Variants in EDF1 observed in about 807,000 individuals in gnomAD.
EDF1 encodes the protein endothelial differentiation-related factor 1.
A neutral mutation model predicts 20.8 loss-of-function variants in EDF1; 5 were observed. The ratio of observed to expected loss-of-function variants is 0.24; its 90% CI spans 0.13 to 0.51. The LOEUF (loss-of-function observed/expected upper bound fraction) is 0.51. Ranked by LOEUF, EDF1 falls within the 20% of genes least tolerant of loss-of-function variation. The pLI is 0.97. For missense variants in EDF1, 137 were observed against 197.8 expected (o/e 0.69, Z 1.84); for synonymous variants, 96 against 78.5 (o/e 1.22, Z -1.18).
In EDF1 at chr9:136,863,259, C is replaced by A. The variant is rs1227832917; in HGVS notation, c.291+29G>T. 1 of 1,603,614 alleles carries A rather than the reference C, an allele frequency of 6.2e-7. No homozygotes were observed. Among genetic ancestry groups the A allele is most frequent in the African/African-American group, 1.3e-5 (1 of 74,810 alleles). ...ATCCCCCTCCCCAAACCCACAACCCCAGGAGTGAGAGCCCCGGCGCAGCCT... is the reference window on the plus strand; with the variant it reads ...ATCCCCCTCCCCAAACCCACAACCCAAGGAGTGAGAGCCCCGGCGCAGCCT... On this transcript the variant is annotated intron_variant, in intron 3 of 4. Coordinates refer to ENST00000224073, the MANE Select transcript of EDF1 (RefSeq NM_003792.4). The surrounding 1 kb of genome is among the most constrained non-coding windows in gnomAD (Gnocchi z 4.5).
chr9:136,862,694 G>C lies in EDF1; in HGVS notation c.385+212C>G, dbSNP rs1025629354. 1.3e-6 allele frequency: 2 copies of C among 1,499,290 alleles called. No homozygotes were observed. Among genetic ancestry groups the C allele is most frequent in the Admixed American group, 2.2e-5 (1 of 45,994 alleles). 92.9% of individuals were successfully genotyped at this position (1,499,290 alleles called of 1,614,324 possible). A position where few individuals can be genotyped will look rare whatever the true frequency, so the allele number is the denominator to read the frequency against. On this transcript the variant is annotated intron_variant, in intron 4 of 4. Coordinates refer to ENST00000224073, the MANE Select transcript of EDF1 (RefSeq NM_003792.4). This position sits in a 1 kb window ranked among gnomAD's most constrained non-coding sequence, Gnocchi z 4.1. Reference sequence around the variant, plus strand: ...GGGAACTGGCAAGGGGAAGGGACTCGGACTCCACTTGCTCTTAGGGGTTTC... The same window carrying C: ...GGGAACTGGCAAGGGGAAGGGACTCCGACTCCACTTGCTCTTAGGGGTTTC...
At chr9:136,864,277 T>A (rs963131616) in intron 1 of EDF1, among the ~76,000 whole-genome samples, 1 of 151,904 alleles carries the variant, frequency 6.6e-6, no homozygotes, top group East Asian at 1.9e-4. Context: ...TAGGGATTTT[T>A]TTTTTTTTTT....
intron 1 of EDF1, among the ~76,000 whole-genome samples, chr9:136,864,484 G>A (rs1849175904): frequency 6.6e-6 from 1 of 152,058 alleles, no homozygotes; most frequent in Non-Finnish European, 1.5e-5. Context: ...TACTGGCCTG[G>A]TGTGGCCTTC....
In EDF1 at chr9:136,862,190, G is replaced by T; in HGVS notation, c.*94C>A. 6.5e-7 allele frequency: 1 copy of T among 1,534,612 alleles called. No individual in the cohort carries two copies. The highest frequency in any genetic ancestry group is 9.0e-7 in the Non-Finnish European group (1 of 1,110,382). The stretch of plus-strand genomic sequence containing the variant: ...GGGTCCCCCGCAAGCTGGACCCCTT[G>T]TTCCGTTCGGCCCGTGAGGAGAACG... On this transcript the variant is annotated 3_prime_UTR_variant, in exon 5 of 5. Coordinates refer to ENST00000224073, the MANE Select transcript of EDF1 (RefSeq NM_003792.4). This position sits in a 1 kb window ranked among gnomAD's most constrained non-coding sequence, Gnocchi z 4.1.
chr9:136,862,811 A>G lies in EDF1; in HGVS notation c.385+95T>C. The G allele has an allele frequency of 1.2e-6, 2 of 1,610,504 alleles. No homozygotes were observed. Among genetic ancestry groups the G allele is most frequent in the Non-Finnish European group, 1.7e-6 (2 of 1,179,514 alleles). On this transcript the variant is annotated intron_variant, in intron 4 of 4. Transcript: ENST00000224073. This position sits in a 1 kb window ranked among gnomAD's most constrained non-coding sequence, Gnocchi z 4.1. ...CAGAGAACAGGGGACCCCCAGGGCC[A>G]TCTTCTTCCCCCGAGTCCCACTCTC...
chr9:136,866,056 T>TC (rs1849218828), intron 1 of EDF1, 125 bp downstream of exon 1: 1 of 915,724 alleles, frequency 1.1e-6, no homozygotes, highest in East Asian at 3.7e-5. Context: ...CCCAGCCTTG[T>TC]CCCCGTCCCC....
At position 136,863,659 on chromosome 9, in the gene EDF1, G is replaced by C. The variant is rs995833658; in HGVS notation, c.130+161C>G. Reference sequence around the variant, plus strand: ...GGCAGCTGTACTCATGCCAACCAGAGCTGCTCTGGGAAGATGGCTGCCTCC... The same window carrying C: ...GGCAGCTGTACTCATGCCAACCAGACCTGCTCTGGGAAGATGGCTGCCTCC... On this transcript the variant is annotated intron_variant, in intron 2 of 4. Coordinates refer to ENST00000224073, the MANE Select transcript of EDF1 (RefSeq NM_003792.4). This position sits in a 1 kb window ranked among gnomAD's most constrained non-coding sequence, Gnocchi z 4.5. Among the ~76,000 whole-genome samples the C allele has an allele frequency of 4.6e-5, 7 of 152,106 alleles. No homozygotes were observed. The highest frequency in any genetic ancestry group is 1.7e-4 in the African/African-American group (7 of 41,390).
chr9:136,866,056 T>C (rs2131252208), intron 1 of EDF1, 125 bp downstream of exon 1: 2 of 915,724 alleles, frequency 2.2e-6, no homozygotes, highest in East Asian at 7.4e-5. Flanking sequence ...CCCAGCCTTG[T>C]CCCCGTCCCC....
At chr9:136,865,589 T>G (rs10781517) in intron 1 of EDF1, among the ~76,000 whole-genome samples, 7 of 147,482 alleles carry the variant, frequency 4.7e-5, no homozygotes, top group East Asian at 4.1e-4. Context: ...ATTCCCCACC[T>G]TCATCGCTGG....
chr9:136,865,627 CCT>C (rs1187232921), intron 1 of EDF1, among the ~76,000 whole-genome samples: 4 of 151,706 alleles, frequency 2.6e-5, no homozygotes, highest in Non-Finnish European at 5.9e-5. Context: ...AGTCCCCACC[CCT>C]GTCCTAAGCC....
Position 136,863,095 on chromosome 9 carries a change from C to G in EDF1, c.292-96G>C. 1.9e-6 allele frequency: 3 copies of G among 1,557,470 alleles called. No homozygotes were observed. The South Asian group carries it at 3.3e-5, about 17-fold the overall frequency. ...CCTGAGAACAGCAGCTTCTAGGGCC[C>G]CTGGGGTACGCACCCACACGCAGCT... On this transcript the variant is annotated intron_variant, in intron 3 of 4. Coordinates refer to ENST00000224073, the MANE Select transcript of EDF1 (RefSeq NM_003792.4). The surrounding 1 kb of genome is among the most constrained non-coding windows in gnomAD (Gnocchi z 4.5).
In EDF1 at chr9:136,863,201, G is replaced by C. The variant is rs1242814194; in HGVS notation, c.291+87C>G. 1.3e-6 allele frequency: 2 copies of C among 1,549,434 alleles called. No homozygotes were observed. Among genetic ancestry groups the C allele is most frequent in the Non-Finnish European group, 1.7e-6 (2 of 1,146,818 alleles). On this transcript the variant is annotated intron_variant, in intron 3 of 4. Coordinates refer to ENST00000224073, the MANE Select transcript of EDF1 (RefSeq NM_003792.4). This position sits in a 1 kb window ranked among gnomAD's most constrained non-coding sequence, Gnocchi z 4.5. ...CCTGCAGGGGAACCAGGGGGGTGGA[G>C]CCCACCCTCCCCGTGCTATCTGAAC... is the stretch of plus-strand genomic sequence containing the variant.
At position 136,863,765 on chromosome 9, in the gene EDF1, G is replaced by C; in HGVS notation, c.130+55C>G. The C allele has an allele frequency of 6.2e-7, 1 of 1,604,488 alleles. No individual in the cohort carries two copies. Among genetic ancestry groups the C allele is most frequent in the Non-Finnish European group, 8.5e-7 (1 of 1,172,018 alleles). On this transcript the variant is annotated intron_variant, in intron 2 of 4. Coordinates refer to ENST00000224073, the MANE Select transcript of EDF1 (RefSeq NM_003792.4). The surrounding 1 kb of genome is among the most constrained non-coding windows in gnomAD (Gnocchi z 4.5). ...GGCGCCGCACACACCACACCCACCA[G>C]CACATGGACCCCACAGCACAGCCTC...
At position 136,866,294 on chromosome 9, in the gene EDF1, C is replaced by T. The variant is rs1321059925; in HGVS notation, c.-36G>A. Reference sequence around the variant, plus strand: ...GACGAGCGTCCGTCCGGCGGCTCAGCGGCAGCTGCTAGAGACCTGGCGCGG... The same window carrying T: ...GACGAGCGTCCGTCCGGCGGCTCAGTGGCAGCTGCTAGAGACCTGGCGCGG... On this transcript the variant is annotated 5_prime_UTR_variant, in exon 1 of 5. Transcript: ENST00000224073. The T allele has an allele frequency of 6.3e-7, 1 of 1,588,746 alleles. No individual in the cohort carries two copies.
At position 136,863,030 on chromosome 9, in the gene EDF1, G is replaced by A; in HGVS notation, c.292-31C>T. 1.2e-6 allele frequency: 2 copies of A among 1,609,670 alleles called. No individual in the cohort carries two copies. Among genetic ancestry groups the A allele is most frequent in the East Asian group, 2.2e-5 (1 of 44,884 alleles). On this transcript the variant is annotated intron_variant, in intron 3 of 4. Coordinates refer to ENST00000224073, the MANE Select transcript of EDF1 (RefSeq NM_003792.4). The surrounding 1 kb of genome is among the most constrained non-coding windows in gnomAD (Gnocchi z 4.5). ...GAGAAGATGTGCTTTATACACATCAGCTCCACTAGGACTGCTGCAAAACCA... is the reference window on the plus strand; with the variant it reads ...GAGAAGATGTGCTTTATACACATCAACTCCACTAGGACTGCTGCAAAACCA...
rs773718811 is a variant in EDF1, at chr9:136,866,236, G to A, written c.23C>T (p.Thr8Met). Residue 8 changes from threonine to methionine, a missense_variant, in exon 1 of 5, where the codon ACG (threonine) becomes ATG (methionine). Physicochemically the swap from Thr to Met is moderately conservative, Grantham distance 81. Coordinates refer to ENST00000224073, the MANE Select transcript of EDF1 (RefSeq NM_003792.4). ...GCCCTTCTTGCGCAGCACCGTCACC[G>A]TGTCCCAGTCGCTCTCGGCCATGGC... is the stretch of plus-strand genomic sequence containing the variant. MAESDWDTVTVLRKKGPT... is the reference protein window; with the variant it reads MAESDWDMVTVLRKKGPT... 6.2e-7 allele frequency: 1 copy of A among 1,600,544 alleles called. No individual in the cohort carries two copies. The highest frequency in any genetic ancestry group is 1.1e-5 in the South Asian group (1 of 89,342).
rs1849140470 is a variant in EDF1, at chr9:136,863,098, G to A, written c.292-99C>T. On this transcript the variant is annotated intron_variant, in intron 3 of 4. Transcript: ENST00000224073. The surrounding 1 kb of genome is among the most constrained non-coding windows in gnomAD (Gnocchi z 4.5). Reference sequence around the variant, plus strand: ...GAGAACAGCAGCTTCTAGGGCCCCTGGGGTACGCACCCACACGCAGCTGGG... The same window carrying A: ...GAGAACAGCAGCTTCTAGGGCCCCTAGGGTACGCACCCACACGCAGCTGGG... The A allele has an allele frequency of 3.2e-6, 5 of 1,550,416 alleles. No homozygotes were observed. The South Asian group carries it at 4.5e-5, about 14-fold the overall frequency.
chr9:136,863,261 GGAGT>G lies in EDF1; in HGVS notation c.291+23_291+26del, dbSNP rs774811364. ...CCCCCTCCCCAAACCCACAACCCCA[GGAGT>G]GAGAGCCCCGGCGCAGCCTCACCGT... On this transcript the variant is annotated intron_variant, in intron 3 of 4. Transcript: ENST00000224073. The surrounding 1 kb of genome is among the most constrained non-coding windows in gnomAD (Gnocchi z 4.5). The G allele has an allele frequency of 1.7e-4, 276 of 1,603,984 alleles. No individual in the cohort carries two copies. Among genetic ancestry groups the G allele is most frequent in the Non-Finnish European group, 2.3e-4 (265 of 1,176,172 alleles).
In EDF1 at chr9:136,863,403, G is replaced by A. The variant is rs1223190456; in HGVS notation, c.176C>T (p.Ala59Val). ...CTCCTCTGTCTCCCGGTCCAGCTTGGCCGTGTTCTTGGTAATAGAATGTTG... is the reference window on the plus strand; with the variant it reads ...CTCCTCTGTCTCCCGGTCCAGCTTGACCGTGTTCTTGGTAATAGAATGTTG... ...NKQHSITKNTAKLDRETEELH... is the reference protein window; with the variant it reads ...NKQHSITKNTVKLDRETEELH... Residue 59 changes from alanine to valine, a missense_variant, in exon 3 of 5, where the codon GCC becomes GTC. Coordinates refer to ENST00000224073, the MANE Select transcript of EDF1 (RefSeq NM_003792.4). This position sits in a 1 kb window ranked among gnomAD's most constrained non-coding sequence, Gnocchi z 4.5. 1 of 1,614,158 alleles carries A rather than the reference G, an allele frequency of 6.2e-7. No individual in the cohort carries two copies. Among genetic ancestry groups the A allele is most frequent in the Admixed American group, 1.7e-5 (1 of 60,030 alleles).
Sources: allele counts gnomAD v4.1 joint callset (sites outside exome capture counted in the v4.1 genomes callset), GRCh38; gene constraint gnomAD v4.1.1; non-coding constraint Gnocchi (gnomAD v3.1); transcripts MANE v1.5; gene names NCBI Gene and HGNC (gene_info 2026-07-23, HGNC 2026-07-21).